The following ADAM10 variants were observed in gnomAD, a reference collection of about 807,000 sequenced individuals.
ADAM10 encodes the protein ADAM metallopeptidase domain 10.
ADAM10 carries 17 observed loss-of-function variants against 90.1 expected under a neutral mutation model. The ratio of observed to expected loss-of-function variants is 0.19; its 90% CI spans 0.13 to 0.28. ADAM10 has a LOEUF of 0.28. Among genes scored for constraint, ADAM10 ranks in the 10% least tolerant of loss-of-function variants. The pLI is 1.00. For synonymous variants in ADAM10, 310 were observed against 298.6 expected (o/e 1.04, Z -0.40); for missense variants, 610 against 914.3 (o/e 0.67, Z 4.29).
intron 5 of ADAM10, among the ~76,000 whole-genome samples, chr15:58,655,711 GTA>G (rs1174017303): frequency 0.016 from 877 of 53,660 alleles, 15 homozygotes; most frequent in Non-Finnish European, 0.022. Context: ...TATATATATA[GTA>G]TATATATATA....
intron 2 of ADAM10, among the ~76,000 whole-genome samples, chr15:58,694,276 C>A (rs1164071125): frequency 6.6e-6 from 1 of 152,122 alleles, no homozygotes. Context: ...ATGTTTGAAA[C>A]CCCGTCTGTA....
intron 3 of ADAM10, among the ~76,000 whole-genome samples, chr15:58,679,590 T>C (rs1280563198): frequency 2.6e-5 from 4 of 152,156 alleles, no homozygotes; most frequent in African/African-American, 4.8e-5. Context: ...GTGCCTAGCA[T>C]GTATGCAGTA....
At chr15:58,726,953 G>T (rs1174102850) in intron 1 of ADAM10, among the ~76,000 whole-genome samples, 1 of 151,322 alleles carries the variant, frequency 6.6e-6, no homozygotes, top group Non-Finnish European at 1.5e-5. Flanking sequence ...GGAAGAGCAA[G>T]CAGAAGGGAA....
intron 11 of ADAM10, among the ~76,000 whole-genome samples, chr15:58,617,709 A>G (rs1434843642): frequency 1.3e-5 from 2 of 152,186 alleles, no homozygotes; most frequent in Non-Finnish European, 2.9e-5. Context: ...TGAATTCAGA[A>G]TAGTTGCAGG....
At chr15:58,701,206 G>C (rs888040064) in intron 2 of ADAM10, among the ~76,000 whole-genome samples, 21 of 151,258 alleles carry the variant, frequency 1.4e-4, no homozygotes, top group African/African-American at 4.9e-4. Context: ...ATCTGAGAAG[G>C]GACAAATACC....
At chr15:58,681,838 C>T (rs1897451269) in intron 3 of ADAM10, among the ~76,000 whole-genome samples, 1 of 152,122 alleles carries the variant, frequency 6.6e-6, no homozygotes, top group South Asian at 2.1e-4. Context: ...TTACTGTTTC[C>T]TTTTAGACTT....
chr15:58,611,102 A>G lies in ADAM10; in HGVS notation c.1701T>C (p.Cys567=), dbSNP rs1175487204. The G allele has an allele frequency of 4.3e-6, 7 of 1,611,524 alleles. No homozygotes were observed. Among genetic ancestry groups the G allele is most frequent in the Non-Finnish European group, 5.9e-6 (7 of 1,177,764 alleles). The change falls in exon 13 of 16, where the codon TGT becomes TGC. Residue 567 remains cysteine (C), a synonymous_variant. Transcript: ENST00000260408. The part of the protein sequence containing the change: ...RHTQVCINGQ[C]AGSICEKYGL... Reference sequence around the variant, plus strand: ...CATATTTCTCACAGATAGAACCTGCACATTGCTAGAAGAAAAATAAAAGAC... The same window carrying G: ...CATATTTCTCACAGATAGAACCTGCGCATTGCTAGAAGAAAAATAAAAGAC...
intron 5 of ADAM10, among the ~76,000 whole-genome samples, chr15:58,649,370 A>G (rs953526156): frequency 6.6e-6 from 1 of 152,142 alleles, no homozygotes; most frequent in South Asian, 2.1e-4. Context: ...ATACCACCCT[A>G]CAAGTCTTTA....
chr15:58,599,620 C>T lies in ADAM10; in HGVS notation c.2130G>A (p.Leu710=), dbSNP rs774167248. The change falls in exon 15 of 16, where the codon TTG becomes TTA. Residue 710 remains leucine (L), a synonymous_variant. Transcript: ENST00000260408. ...TACCTGGAAGTGGTTTAGGAGGAGG[C>T]AACTTTGGATTACTACTTGGAGTAT... The part of the protein sequence containing the change: ...SVHTPSSNPK[L]PPPKPLPGTL... 5 of 1,613,148 alleles carry T rather than the reference C, an allele frequency of 3.1e-6. No individual in the cohort carries two copies. The Admixed American group carries it at 6.7e-5, about 22-fold the overall frequency.
At position 58,704,430 on chromosome 15, in the gene ADAM10, G is replaced by A. The variant is rs895688023; in HGVS notation, c.206+13147C>T. 2.6e-5 allele frequency among the ~76,000 whole-genome samples: 4 copies of A among 152,132 alleles called. No homozygotes were observed. In the South Asian group the frequency reaches 8.3e-4, roughly 32 times the overall value. ...TGCCATTTAATGCATTCTTTTAACT[G>A]ATGCCATAATGGGACATAAAGCCCC... On this transcript the variant is annotated intron_variant, in intron 2 of 15. Coordinates refer to ENST00000260408, the MANE Select transcript of ADAM10 (RefSeq NM_001110.4).
intron 1 of ADAM10, among the ~76,000 whole-genome samples, chr15:58,720,146 G>A (rs1341379610): frequency 1.3e-5 from 2 of 152,122 alleles, no homozygotes; most frequent in African/African-American, 4.8e-5. Flanking sequence ...GTAAAATGGA[G>A]ACAACAATGC....
At chr15:58,725,167 G>A (rs1255151838) in intron 1 of ADAM10, among the ~76,000 whole-genome samples, 1 of 152,014 alleles carries the variant, frequency 6.6e-6, no homozygotes, top group Non-Finnish European at 1.5e-5. Flanking sequence ...TCCAGCCTGG[G>A]CAACAGAGCA....
chr15:58,604,895 C>T (rs1385387503), intron 14 of ADAM10, among the ~76,000 whole-genome samples: 1 of 152,108 alleles, frequency 6.6e-6, no homozygotes, highest in Non-Finnish European at 1.5e-5. Context: ...GCCGCCACAC[C>T]CTGCGAATTC....
At chr15:58,677,920 A>C (rs1897333011) in intron 4 of ADAM10, among the ~76,000 whole-genome samples, 1 of 152,192 alleles carries the variant, frequency 6.6e-6, no homozygotes, top group South Asian at 2.1e-4. Flanking sequence ...CCTGCAAAAA[A>C]AGGTTAAATT....
At chr15:58,630,926 G>A (rs1896082836) in intron 9 of ADAM10, among the ~76,000 whole-genome samples, 1 of 152,114 alleles carries the variant, frequency 6.6e-6, no homozygotes. Context: ...GGGTCATGGG[G>A]GCAGATCCCT....
At chr15:58,600,407 C>G (rs1043994847) in intron 14 of ADAM10, among the ~76,000 whole-genome samples, 20 of 152,164 alleles carry the variant, frequency 1.3e-4, no homozygotes, top group African/African-American at 4.8e-4. Context: ...TTTGAGACAC[C>G]CTTTTCCTCT....
At position 58,682,862 on chromosome 15, in the gene ADAM10, G is replaced by A. The variant is rs74527627; in HGVS notation, c.207-548C>T. 4.8e-3 allele frequency among the ~76,000 whole-genome samples: 724 copies of A among 152,048 alleles called. 6 individuals carry two copies. Among genetic ancestry groups the A allele is most frequent in the African/African-American group, 0.017 (693 of 41,466 alleles). The stretch of plus-strand genomic sequence containing the variant: ...TAGAAATCTTCCTTAATTCAATTTG[G>A]GAATGCCGAAAGACCAGGATAATGG... On this transcript the variant is annotated intron_variant, in intron 2 of 15. Transcript: ENST00000260408.
chr15:58,611,503 A>C (rs553061836), intron 12 of ADAM10: 1 of 340,146 alleles, frequency 2.9e-6, no homozygotes, highest in African/African-American at 2.1e-5. Flanking sequence ...AAGATGACCA[A>C]AGAGTTCTTT....
intron 1 of ADAM10, among the ~76,000 whole-genome samples, chr15:58,727,220 T>C (rs1595661175): frequency 1.4e-5 from 2 of 146,874 alleles, no homozygotes; most frequent in Admixed American, 1.3e-4. Context: ...AAAACAGCGT[T>C]TCGCTCGTTG....
Sources: gnomAD v4.1 joint callset for allele counts (sites outside exome capture counted in the v4.1 genomes callset) on GRCh38, gnomAD v4.1.1 for gene constraint, MANE v1.5 for transcripts, NCBI Gene and HGNC (gene_info 2026-07-23, HGNC 2026-07-21) for gene names.